LEPROT: variants seen among roughly 807,000 people sequenced by gnomAD.
The protein encoded by LEPROT is leptin receptor gene-related protein.
LEPROT carries 3 observed loss-of-function variants against 15.4 expected under a neutral mutation model. The ratio of observed to expected loss-of-function variants is 0.19; its 90% confidence interval spans 0.09 to 0.50. LEPROT has a LOEUF of 0.50. LEPROT is among the 20% of genes least tolerant of loss of function. The pLI is 0.97. For synonymous variants in LEPROT, 59 were observed against 57.5 expected (o/e 1.03, Z -0.12); for missense variants, 137 against 162.2 (o/e 0.84, Z 0.84).
rs1460259802 is a variant in LEPROT at position 65,421,270 on chromosome 1, G to C, written c.16+530G>C. The C allele has an allele frequency of 6.8e-6, 10 of 1,469,448 alleles. No homozygotes were observed. The East Asian group carries it at 1.0e-4, about 15-fold the overall frequency. 91.0% of individuals were successfully genotyped at this position (1,469,448 alleles called of 1,614,324 possible). On this transcript the variant is annotated intron_variant, in intron 1 of 3. Coordinates refer to ENST00000371065, the MANE Select transcript of LEPROT (RefSeq NM_017526.5). ...ACGGTGTTTCTCGCAGTCGTGGAGAGTAGATTACGTGTAATTTTAATACTG... is the reference window on the plus strand; with the variant it reads ...ACGGTGTTTCTCGCAGTCGTGGAGACTAGATTACGTGTAATTTTAATACTG...
In LEPROT at chr1:65,435,407, G is replaced by T. The variant is rs1427243555; in HGVS notation, c.*3488G>T. On this transcript the variant is annotated 3_prime_UTR_variant, in exon 4 of 4. Transcript: ENST00000371065. ...TTTTGAGGCAGAGTCTCGCTCTGTT[G>T]CCCAGGCTGGAGTGCAGTGGTGCGA... 4 of 803,468 alleles carry T rather than the reference G, an allele frequency of 5.0e-6. No homozygotes were observed. Among genetic ancestry groups the T allele is most frequent in the Non-Finnish European group, 5.8e-6 (4 of 686,792 alleles). The allele number at this position is 803,468 out of a possible 1,614,324, so 49.8% of individuals were successfully genotyped here. A position where few individuals can be genotyped will look rare whatever the true frequency, so the allele number is the denominator to read the frequency against.
At chr1:65,421,237 C>G in intron 1 of LEPROT, 2 of 1,360,706 alleles carry the variant, frequency 1.5e-6, no homozygotes, top group Non-Finnish European at 1.9e-6. Context: ...TGGAAAGCAC[C>G]CAGAAAGACG....
At chr1:65,425,494 GC>G in intron 2 of LEPROT, 116 bp downstream of exon 2, 3 of 787,226 alleles carry the variant, frequency 3.8e-6, no homozygotes, top group South Asian at 2.0e-5. Context: ...AGTTAGTGGA[GC>G]CCAGTTTATG....
chr1:65,430,607 G>T (rs975076414), intron 3 of LEPROT, among the ~76,000 whole-genome samples: 1 of 152,086 alleles, frequency 6.6e-6, no homozygotes, highest in African/African-American at 2.4e-5. Flanking sequence ...CCTACTATTT[G>T]ATTTTATTCC....
chr1:65,431,673 A>G, intron 3 of LEPROT, 130 bp from the exon 4 acceptor site: 1 of 867,224 alleles, frequency 1.2e-6, no homozygotes, highest in Non-Finnish European at 1.8e-6. Context: ...GTCTCCTGTT[A>G]CATTATTAAG....
chr1:65,435,886 G>T lies in LEPROT; in HGVS notation c.*3967G>T. ...ATTGCAAAAATCCCACTGAGTAATA[G>T]CTCATAAATTATAATCTTTCAAATA... On this transcript the variant is annotated 3_prime_UTR_variant, in exon 4 of 4. Coordinates refer to ENST00000371065, the MANE Select transcript of LEPROT (RefSeq NM_017526.5). The T allele has an allele frequency of 1.0e-6, 1 of 983,986 alleles. No individual in the cohort carries two copies. Among genetic ancestry groups the T allele is most frequent in the Non-Finnish European group, 1.2e-6 (1 of 828,726 alleles). The allele number at this position is 983,986 out of a possible 1,614,324, so 61.0% of individuals were successfully genotyped here. A position where few individuals can be genotyped will look rare whatever the true frequency, so the allele number is the denominator to read the frequency against.
intron 1 of LEPROT, among the ~76,000 whole-genome samples, chr1:65,423,418 C>T (rs1646292814): frequency 6.6e-6 from 1 of 152,022 alleles, no homozygotes; most frequent in African/African-American, 2.4e-5. Context: ...TGGTTGTGAA[C>T]GTTGAGAAAC....
At chr1:65,427,727 C>T (rs1425124500) in intron 2 of LEPROT, 3 of 360,864 alleles carry the variant, frequency 8.3e-6, no homozygotes, top group East Asian at 1.6e-4. Context: ...TGACTCATTA[C>T]TGCTACTACA....
At chr1:65,426,649 G>A (rs1557581977) in intron 2 of LEPROT, among the ~76,000 whole-genome samples, 1 of 152,160 alleles carries the variant, frequency 6.6e-6, no homozygotes, top group East Asian at 1.9e-4. Context: ...GATTCAACAA[G>A]GAGGGAGAGT....
rs1451109848 is a variant in LEPROT, at chr1:65,432,828, G to A, written c.*909G>A. ...AAATTTCTAATGTTCTCATAAAAAA[G>A]TTAAATATTTGAGATCATATGTTAA... On this transcript the variant is annotated 3_prime_UTR_variant, in exon 4 of 4. Transcript: ENST00000371065. The A allele has an allele frequency of 3.2e-6, 2 of 633,288 alleles. No homozygotes were observed. Among genetic ancestry groups the A allele is most frequent in the African/African-American group, 2.0e-5 (1 of 50,098 alleles). The allele number at this position is 633,288 out of a possible 1,614,324, so 39.2% of individuals were successfully genotyped here.
chr1:65,435,362 T>C lies in LEPROT; in HGVS notation c.*3443T>C. 1 of 908,570 alleles carries C rather than the reference T, an allele frequency of 1.1e-6. No homozygotes were observed. The highest frequency in any genetic ancestry group is 1.3e-6 in the Non-Finnish European group (1 of 786,814). The allele number at this position is 908,570 out of a possible 1,614,324, so 56.3% of individuals were successfully genotyped here. A position where few individuals can be genotyped will look rare whatever the true frequency, so the allele number is the denominator to read the frequency against. ...GTGGTGTCACAAAATGTGCCTTTTC[T>C]TTTCTTTTTTTTTTTTTTTTTTTGA... On this transcript the variant is annotated 3_prime_UTR_variant, in exon 4 of 4. Coordinates refer to ENST00000371065, the MANE Select transcript of LEPROT (RefSeq NM_017526.5).
In LEPROT at chr1:65,435,983, A is replaced by G. The variant is rs998162041; in HGVS notation, c.*4064A>G. 2.0e-6 allele frequency: 2 copies of G among 984,942 alleles called. No homozygotes were observed. Among genetic ancestry groups the G allele is most frequent in the South Asian group, 4.7e-5 (1 of 21,282 alleles). The allele number at this position is 984,942 out of a possible 1,614,324, so 61.0% of individuals were successfully genotyped here. A position where few individuals can be genotyped will look rare whatever the true frequency, so the allele number is the denominator to read the frequency against. On this transcript the variant is annotated 3_prime_UTR_variant, in exon 4 of 4. Transcript: ENST00000371065. The stretch of plus-strand genomic sequence containing the variant: ...ATGTGAGAGGACGATTACTTTGTAA[A>G]TAAAACTTGTTATTGACATTTTAAC...
Position 65,429,896 on chromosome 1 carries a change from G to T in LEPROT, c.127G>T (p.Ala43Ser). 1 of 1,512,254 alleles carries T rather than the reference G, an allele frequency of 6.6e-7. No individual in the cohort carries two copies. Among genetic ancestry groups the T allele is most frequent in the East Asian group, 2.4e-5 (1 of 42,082 alleles). The allele number at this position is 1,512,254 out of a possible 1,614,324, so 93.7% of individuals were successfully genotyped here. ...YWPLFVLIFHAISPIPHFIAK... is the reference protein window; with the variant it reads ...YWPLFVLIFHSISPIPHFIAK... Reference sequence around the variant, plus strand: ...GCCCTTATTCGTCCTGATTTTCCACGCCATCTCCCCCATCCCCCATTTCAT... The same window carrying T: ...GCCCTTATTCGTCCTGATTTTCCACTCCATCTCCCCCATCCCCCATTTCAT... The change falls in exon 3 of 4, where the codon GCC becomes TCC. Residue 43 changes from alanine (A) to serine (S), a missense_variant. Coordinates refer to ENST00000371065, the MANE Select transcript of LEPROT (RefSeq NM_017526.5).
Position 65,432,404 on chromosome 1 carries a change from C to T in LEPROT, c.*485C>T. 1 of 862,392 alleles carries T rather than the reference C, an allele frequency of 1.2e-6. No individual in the cohort carries two copies. Among genetic ancestry groups the T allele is most frequent in the Non-Finnish European group, 1.4e-6 (1 of 717,348 alleles). 53.4% of individuals were successfully genotyped at this position (862,392 alleles called of 1,614,324 possible). A position where few individuals can be genotyped will look rare whatever the true frequency, so the allele number is the denominator to read the frequency against. Reference sequence around the variant, plus strand: ...CTTATTAGAAATGCAGAATCTGAAGCCCCACTCTGGACCCAGGACATTTTG... The same window carrying T: ...CTTATTAGAAATGCAGAATCTGAAGTCCCACTCTGGACCCAGGACATTTTG... On this transcript the variant is annotated 3_prime_UTR_variant, in exon 4 of 4. Transcript: ENST00000371065.
intron 2 of LEPROT, among the ~76,000 whole-genome samples, chr1:65,428,240 T>A (rs572821368): frequency 7.2e-5 from 11 of 152,360 alleles, no homozygotes; most frequent in Middle Eastern, 3.4e-3. Context: ...TACATTAATA[T>A]TTCTCTTAGT....
chr1:65,432,064 A>G lies in LEPROT; in HGVS notation c.*145A>G, dbSNP rs1887285. 0.09 allele frequency: 121,023 copies of G among 1,350,772 alleles called. 5,864 individuals are homozygous for G. Among genetic ancestry groups the G allele is most frequent in the Middle Eastern group, 0.14 (499 of 3,560 alleles). 83.7% of individuals were successfully genotyped at this position (1,350,772 alleles called of 1,614,324 possible). On this transcript the variant is annotated 3_prime_UTR_variant, in exon 4 of 4. Transcript: ENST00000371065. Reference sequence around the variant, plus strand: ...TCATGTTCACTTTAAGAAAGACTTCATAAGTAGGAGATGAGTTTTATTCTC... The same window carrying G: ...TCATGTTCACTTTAAGAAAGACTTCGTAAGTAGGAGATGAGTTTTATTCTC...
At chr1:65,431,311 C>G (rs936651440) in intron 3 of LEPROT, among the ~76,000 whole-genome samples, 1 of 152,186 alleles carries the variant, frequency 6.6e-6, no homozygotes, top group African/African-American at 2.4e-5. Flanking sequence ...CTCTCACCCC[C>G]AAATGTGCTT....
chr1:65,422,743 C>CATT (rs1646276234), intron 1 of LEPROT, among the ~76,000 whole-genome samples: 1 of 152,182 alleles, frequency 6.6e-6, no homozygotes, highest in Non-Finnish European at 1.5e-5. Context: ...ACTTAAGCTA[C>CATT]ATTAGTAAGA....
At chr1:65,430,878 G>A (rs9436302) in intron 3 of LEPROT, among the ~76,000 whole-genome samples, 39,152 of 152,054 alleles carry the variant, frequency 0.26, 5,604 homozygotes, top group African/African-American at 0.39. Context: ...GAGAAATTCC[G>A]ACTGGCATTT....
Sources: gnomAD v4.1 joint callset for allele counts (sites outside exome capture counted in the v4.1 genomes callset) on GRCh38, gnomAD v4.1.1 for gene constraint, MANE v1.5 for transcripts, NCBI Gene and HGNC (gene_info 2026-07-23, HGNC 2026-07-21) for gene names.